AFF3: variants seen among roughly 807,000 people sequenced by gnomAD.
AFF3 encodes AF4/FMR2 family member 3.
AFF3 carries 32 observed loss-of-function variants against 129.7 expected under a neutral mutation model. That is an observed-to-expected ratio of 0.25 (90% confidence interval 0.19 to 0.33). AFF3 has a LOEUF of 0.33. Among genes scored for constraint, AFF3 ranks in the 10% least tolerant of loss-of-function variants. The probability of loss-of-function intolerance (pLI) is 1.00; values close to 1 mark genes in which losing one functional copy is unlikely to be tolerated. For missense variants in AFF3, 1,373 were observed against 1,592.0 expected, an observed-to-expected ratio of 0.86 and a Z score of 2.34; for synonymous variants, 644 against 635.4, an observed-to-expected ratio of 1.01 and a Z score of -0.20.
intron 8 of AFF3, among the ~76,000 whole-genome samples, chr2:99,831,134 C>T (rs555178243): frequency 2.4e-4 from 36 of 152,346 alleles, no homozygotes; most frequent in South Asian, 4.1e-4. Context: ...ACAGGCTCCA[C>T]ACATGGTGGC....
chr2:99,781,051 GTT>G (rs915953328), intron 8 of AFF3, among the ~76,000 whole-genome samples: 4 of 152,114 alleles, frequency 2.6e-5, no homozygotes, highest in African/African-American at 9.7e-5. Flanking sequence ...TCTGGCCCTG[GTT>G]CCCTCCATGA....
intron 8 of AFF3, among the ~76,000 whole-genome samples, chr2:99,768,411 G>T (rs1277435789): frequency 1.3e-5 from 2 of 152,082 alleles, no homozygotes; most frequent in East Asian, 1.9e-4. Flanking sequence ...ATACTGTTTG[G>T]TGATATACTC....
chr2:100,029,875 A>G (rs78975287), intron 4 of AFF3, among the ~76,000 whole-genome samples: 3 of 152,058 alleles, frequency 2.0e-5, no homozygotes, highest in Non-Finnish European at 4.4e-5. Context: ...GACCAGCCTG[A>G]GCAACATGGC....
chr2:99,913,758 GA>G (rs1276104145), intron 7 of AFF3, among the ~76,000 whole-genome samples: 1 of 151,892 alleles, frequency 6.6e-6, no homozygotes, highest in Non-Finnish European at 1.5e-5. Flanking sequence ...GAATGATGGG[GA>G]TATGTCAAAT....
chr2:99,972,216 G>A (rs1305627662), intron 7 of AFF3, among the ~76,000 whole-genome samples: 1 of 152,210 alleles, frequency 6.6e-6, no homozygotes, highest in African/African-American at 2.4e-5. Context: ...AGGTGCCTCA[G>A]AAGACACAGG....
intron 8 of AFF3, among the ~76,000 whole-genome samples, chr2:99,781,898 A>C (rs985586817): frequency 1.2e-4 from 17 of 146,338 alleles, no homozygotes; most frequent in African/African-American, 4.5e-4. Flanking sequence ...CAAATAAAGA[A>C]AAAAAAAATC....
intron 4 of AFF3, among the ~76,000 whole-genome samples, chr2:100,101,974 A>T (rs1482086783): frequency 6.8e-6 from 1 of 146,712 alleles, no homozygotes; most frequent in Admixed American, 6.8e-5. Context: ...GTCTGCTGTC[A>T]TCTGTTTTAT....
chr2:99,908,536 G>A (rs1003660821), intron 7 of AFF3, among the ~76,000 whole-genome samples: 1 of 152,064 alleles, frequency 6.6e-6, no homozygotes, highest in Admixed American at 6.6e-5. Context: ...AGAGTGAACA[G>A]GCAACCTACA....
chr2:100,019,930 C>G lies in AFF3; in HGVS notation c.54-10998G>C, dbSNP rs191844492. On this transcript the variant is annotated intron_variant, in intron 4 of 24. Coordinates refer to ENST00000672756, the MANE Select transcript of AFF3 (RefSeq NM_001386135.1). Reference sequence around the variant, plus strand: ...TAGATGCCACTTTCTCGTGTTTGCTCTTGGTCTCAATTGGCTTTTTTGAAT... The same window carrying G: ...TAGATGCCACTTTCTCGTGTTTGCTGTTGGTCTCAATTGGCTTTTTTGAAT... 6.8e-3 allele frequency among the ~76,000 whole-genome samples: 1,028 copies of G among 152,242 alleles called. 6 individuals carry two copies. The highest frequency in any genetic ancestry group is 0.01 in the Admixed American group (157 of 15,286).
chr2:99,913,637 G>T (rs560807996), intron 7 of AFF3, among the ~76,000 whole-genome samples: 1 of 152,118 alleles, frequency 6.6e-6, no homozygotes, highest in Non-Finnish European at 1.5e-5. Context: ...TACCATGTCC[G>T]CAATCAAAGG....
chr2:99,997,745 C>T lies in AFF3; in HGVS notation c.873+8887G>A, dbSNP rs1054938374. ...ACCACTGCAGCATGCTGTCTTGTTG[C>T]TATCCCAGGCGAGGAGGCACATTCC... On this transcript the variant is annotated intron_variant, in intron 7 of 24. Transcript: ENST00000672756. Among the ~76,000 whole-genome samples, 6 of 152,144 alleles carry T rather than the reference C, an allele frequency of 3.9e-5. No homozygotes were observed. The South Asian group carries it at 6.2e-4, about 16-fold the overall frequency.
intron 16 of AFF3, among the ~76,000 whole-genome samples, chr2:99,583,771 C>T (rs1677816773): frequency 6.6e-6 from 1 of 152,110 alleles, no homozygotes; most frequent in Non-Finnish European, 1.5e-5. Flanking sequence ...TGGCTCACTG[C>T]AGCCTCTGCC....
intron 4 of AFF3, among the ~76,000 whole-genome samples, chr2:100,094,337 C>T (rs895304481): frequency 2.6e-5 from 4 of 151,956 alleles, no homozygotes; most frequent in Non-Finnish European, 5.9e-5. Flanking sequence ...ACTAGAGAGT[C>T]CCATCTGGGG....
At chr2:100,042,299 C>T (rs1334855959) in intron 4 of AFF3, among the ~76,000 whole-genome samples, 1 of 152,230 alleles carries the variant, frequency 6.6e-6, no homozygotes, top group African/African-American at 2.4e-5. Flanking sequence ...TGCCTTTCAC[C>T]TGCAATCACC....
intron 16 of AFF3, among the ~76,000 whole-genome samples, chr2:99,583,493 C>T (rs552329141): frequency 6.6e-6 from 1 of 152,168 alleles, no homozygotes; most frequent in South Asian, 2.1e-4. Context: ...GGCAATCCTC[C>T]CACTTCAGCC....
chr2:99,662,238 G>A (rs1321701171), intron 12 of AFF3, among the ~76,000 whole-genome samples: 2 of 152,150 alleles, frequency 1.3e-5, no homozygotes, highest in Non-Finnish European at 2.9e-5. Flanking sequence ...ATTATGATGG[G>A]AGGTTCAAAT....
At chr2:100,087,160 A>G (rs900254945) in intron 4 of AFF3, among the ~76,000 whole-genome samples, 3 of 152,138 alleles carry the variant, frequency 2.0e-5, no homozygotes, top group African/African-American at 7.2e-5. Flanking sequence ...TAGAGCTTCA[A>G]ATGGACCACA....
chr2:99,643,267 T>C (rs1225472414), intron 13 of AFF3, among the ~76,000 whole-genome samples: 1 of 152,024 alleles, frequency 6.6e-6, no homozygotes, highest in Non-Finnish European at 1.5e-5. Context: ...ACCATATTGA[T>C]CATGCTGGTC....
chr2:99,632,562 G>A (rs988629449), intron 13 of AFF3, among the ~76,000 whole-genome samples: 4 of 152,110 alleles, frequency 2.6e-5, no homozygotes, highest in African/African-American at 9.7e-5. Flanking sequence ...CCGGGGCTGG[G>A]GTTTGGAAGA....
Sources: gnomAD v4.1 joint callset for allele counts (sites outside exome capture counted in the v4.1 genomes callset) on GRCh38, gnomAD v4.1.1 for gene constraint, MANE v1.5 for transcripts, NCBI Gene and HGNC (gene_info 2026-07-23, HGNC 2026-07-21) for gene names.